The following FBXO31 variants were observed in gnomAD, a reference collection of about 807,000 sequenced individuals.
FBXO31 encodes the protein F-box protein 31.
Under a neutral mutation model 54.4 loss-of-function variants are expected in FBXO31, and 24 were observed. The observed-to-expected ratio is 0.44, with a 90% CI of 0.32 to 0.62. The LOEUF (loss-of-function observed/expected upper bound fraction) is 0.62. Among genes scored for constraint, FBXO31 ranks in the 20% least tolerant of loss-of-function variants. The pLI is 0.05. For missense variants in FBXO31, 665 were observed against 787.1 expected (o/e 0.84, Z 1.86); for synonymous variants, 388 against 335.6 (o/e 1.16, Z -1.71).
intron 2 of FBXO31, among the ~76,000 whole-genome samples, chr16:87,348,422 G>A (rs145630883): frequency 5.3e-4 from 81 of 152,346 alleles, no homozygotes; most frequent in African/African-American, 1.8e-3. Flanking sequence ...AGCAGTGAGC[G>A]TGATGATGGG....
Position 87,358,672 on chromosome 16 carries a change from A to T in FBXO31, c.412+1623T>A, listed in dbSNP as rs558323143. Among the ~76,000 whole-genome samples the T allele has an allele frequency of 2.6e-5, 4 of 152,216 alleles. No individual in the cohort carries two copies. In the East Asian group the frequency reaches 5.8e-4, roughly 22 times the overall value. ...TGAGAAACCTGCTGGAGAGAACAAC[A>T]CTGTGACACGTTTTCCTTCCATCAG... is the stretch of plus-strand genomic sequence containing the variant. On this transcript the variant is annotated intron_variant, in intron 2 of 8. Transcript: ENST00000311635. This position sits in a 1 kb window ranked among gnomAD's most constrained non-coding sequence, Gnocchi z 4.0.
At chr16:87,359,199 C>T (rs185127517) in intron 2 of FBXO31, among the ~76,000 whole-genome samples, 27 of 152,350 alleles carry the variant, frequency 1.8e-4, no homozygotes, top group African/African-American at 6.3e-4. Flanking sequence ...TTTGCAAACA[C>T]TTTCAAGGGG....
rs1904778141 is a variant in FBXO31, at chr16:87,329,686, C to CT, written c.*1601dup. The CT allele has an allele frequency of 6.6e-6, 1 of 152,166 alleles. No homozygotes were observed. Among genetic ancestry groups the CT allele is most frequent in the African/African-American group, 2.4e-5 (1 of 41,372 alleles). 9.4% of individuals were successfully genotyped at this position (152,166 alleles called of 1,614,324 possible). A position where few individuals can be genotyped will look rare whatever the true frequency, so the allele number is the denominator to read the frequency against. ...CACACACAAGAGCCAGCAGGTGCGC[C>CT]TCGGGGTCTGCGTGGCTCCCGCTGC... On this transcript the variant is annotated 3_prime_UTR_variant, in exon 9 of 9. Transcript: ENST00000311635.
At chr16:87,354,904 T>G (rs567404770) in intron 2 of FBXO31, among the ~76,000 whole-genome samples, 5 of 151,740 alleles carry the variant, frequency 3.3e-5, no homozygotes, top group African/African-American at 1.2e-4. Context: ...GAGGTGGAGG[T>G]TGCAATGAGC....
Position 87,365,562 on chromosome 16 carries a change from G to C in FBXO31, c.341-5196C>G, listed in dbSNP as rs542428540. ...GGGAGTCCCAGGCATCACCATCTCA[G>C]CAAGATACCCGGGATGGCTGGAGGA... On this transcript the variant is annotated intron_variant, in intron 1 of 8. Coordinates refer to ENST00000311635, the MANE Select transcript of FBXO31 (RefSeq NM_024735.5). Among the ~76,000 whole-genome samples, 141 of 152,334 alleles carry C rather than the reference G, an allele frequency of 9.3e-4. 1 individual carries two copies. Among genetic ancestry groups the C allele is most frequent in the Non-Finnish European group, 1.7e-3 (119 of 68,042 alleles).
chr16:87,389,464 G>C (rs2288483), intron 1 of FBXO31: 17,832 of 152,170 alleles, frequency 0.12, 1,428 homozygotes, highest in East Asian at 0.4. Flanking sequence ...GATGCCCAAG[G>C]GTGGGAAAAT....
chr16:87,373,463 T>A (rs1019702499), intron 1 of FBXO31, among the ~76,000 whole-genome samples: 2 of 151,822 alleles, frequency 1.3e-5, no homozygotes, highest in African/African-American at 4.8e-5. Context: ...AAAAAAATAA[T>A]TATATATATA....
chr16:87,334,907 G>A (rs1458330367), intron 7 of FBXO31, among the ~76,000 whole-genome samples: 1 of 152,202 alleles, frequency 6.6e-6, no homozygotes, highest in African/African-American at 2.4e-5. Context: ...AGACAGGGTG[G>A]GAGCTGTCTG....
chr16:87,339,384 CTG>C (rs1905124072), intron 5 of FBXO31, among the ~76,000 whole-genome samples: 1 of 152,230 alleles, frequency 6.6e-6, no homozygotes, highest in Admixed American at 6.5e-5. Context: ...GCCCCACCCT[CTG>C]AACCCCTACA....
At chr16:87,371,434 C>T (rs1374772358) in intron 1 of FBXO31, among the ~76,000 whole-genome samples, 1 of 152,252 alleles carries the variant, frequency 6.6e-6, no homozygotes, top group African/African-American at 2.4e-5. Context: ...ACACTGTTCA[C>T]GACCCTTCTG....
chr16:87,364,270 G>A (rs919158894), intron 1 of FBXO31, among the ~76,000 whole-genome samples: 2 of 152,214 alleles, frequency 1.3e-5, no homozygotes, highest in South Asian at 2.1e-4. Flanking sequence ...CCAGGGAAAC[G>A]TGTCACCAGG....
chr16:87,341,380 G>A (rs1163456120), intron 5 of FBXO31, among the ~76,000 whole-genome samples: 2 of 152,188 alleles, frequency 1.3e-5, no homozygotes, highest in Admixed American at 6.5e-5. Flanking sequence ...ATAAGGCCAG[G>A]AGCAGTGGCT....
rs78766197 is a variant in FBXO31 at position 87,335,910 on chromosome 16, G to A, written c.842+245C>T. On this transcript the variant is annotated intron_variant, in intron 6 of 8. Coordinates refer to ENST00000311635, the MANE Select transcript of FBXO31 (RefSeq NM_024735.5). This position sits in a 1 kb window ranked among gnomAD's most constrained non-coding sequence, Gnocchi z 5.7. Reference sequence around the variant, plus strand: ...GGGGCTGTGCCACAGCAGCTACAGGGAGGCCTGCACTCCCAGCACCCACAG... The same window carrying A: ...GGGGCTGTGCCACAGCAGCTACAGGAAGGCCTGCACTCCCAGCACCCACAG... 0.011 allele frequency among the ~76,000 whole-genome samples: 1,724 copies of A among 152,202 alleles called. 24 individuals carry two copies. Among genetic ancestry groups the A allele is most frequent in the African/African-American group, 0.039 (1,611 of 41,512 alleles).
At chr16:87,363,269 A>G (rs374734973) in intron 1 of FBXO31, among the ~76,000 whole-genome samples, 1 of 152,170 alleles carries the variant, frequency 6.6e-6, no homozygotes, top group South Asian at 2.1e-4. Context: ...CTGTAATCCC[A>G]GCTGCTAGGG....
Position 87,327,838 on chromosome 16 carries a change from G to C in FBXO31, c.*3450C>G, listed in dbSNP as rs1037857443. On this transcript the variant is annotated 3_prime_UTR_variant, in exon 9 of 9. Coordinates refer to ENST00000311635, the MANE Select transcript of FBXO31 (RefSeq NM_024735.5). ...CAGGAGTTTTATTCTCAGGACAGGT[G>C]ATGGTTCTATGAGCACATTCCCGTA... is the stretch of plus-strand genomic sequence containing the variant. 6.6e-6 allele frequency: 1 copy of C among 152,232 alleles called. No individual in the cohort carries two copies. The highest frequency in any genetic ancestry group is 2.4e-5 in the African/African-American group (1 of 41,450). 9.4% of individuals were successfully genotyped at this position (152,232 alleles called of 1,614,324 possible). A position where few individuals can be genotyped will look rare whatever the true frequency, so the allele number is the denominator to read the frequency against.
At chr16:87,344,357 T>C (rs1199377404) in intron 3 of FBXO31, among the ~76,000 whole-genome samples, 2 of 151,660 alleles carry the variant, frequency 1.3e-5, no homozygotes, top group Admixed American at 6.6e-5. Flanking sequence ...AGCCGAGGAG[T>C]GCGTTGCCCG....
chr16:87,372,073 A>C (rs984882138), intron 1 of FBXO31, among the ~76,000 whole-genome samples: 5 of 152,076 alleles, frequency 3.3e-5, no homozygotes, highest in African/African-American at 1.2e-4. Flanking sequence ...AAAACACAAA[A>C]ATTAGCCAGG....
rs1331745274 is a variant in FBXO31, at chr16:87,327,967, G to A, written c.*3321C>T. ...ACCTTGGACGGTGGACCACAGCTCA[G>A]CATCTCCTGTTCGCACCCAAGACCC... On this transcript the variant is annotated 3_prime_UTR_variant, in exon 9 of 9. Transcript: ENST00000311635. 1 of 152,216 alleles carries A rather than the reference G, an allele frequency of 6.6e-6. No homozygotes were observed. Among genetic ancestry groups the A allele is most frequent in the African/African-American group, 2.4e-5 (1 of 41,446 alleles). The allele number at this position is 152,216 out of a possible 1,614,324, so 9.4% of individuals were successfully genotyped here.
At chr16:87,382,307 T>A (rs1907112674) in intron 1 of FBXO31, among the ~76,000 whole-genome samples, 1 of 152,256 alleles carries the variant, frequency 6.6e-6, no homozygotes, top group Non-Finnish European at 1.5e-5. Context: ...TCAGAGGTTT[T>A]TTAAAATGTT....
Sources: allele counts gnomAD v4.1 joint callset (sites outside exome capture counted in the v4.1 genomes callset), GRCh38; gene constraint gnomAD v4.1.1; non-coding constraint Gnocchi (gnomAD v3.1); transcripts MANE v1.5; gene names NCBI Gene and HGNC (gene_info 2026-07-23, HGNC 2026-07-21).